LRRTM4: variants seen among roughly 807,000 people sequenced by gnomAD.
The protein encoded by LRRTM4 is leucine-rich repeat transmembrane neuronal protein 4.
LRRTM4 carries 25 observed loss-of-function variants against 47.6 expected under a neutral mutation model. The ratio of observed to expected loss-of-function variants is 0.53; its 90% CI spans 0.38 to 0.73. The LOEUF is 0.73. Among genes scored for constraint, LRRTM4 ranks in the 30% least tolerant of loss-of-function variants. LRRTM4 has a pLI of 0.00. For missense variants in LRRTM4, 638 were observed against 713.4 expected (o/e 0.89, Z 1.20); for synonymous variants, 311 against 269.5 (o/e 1.15, Z -1.51).
intron 3 of LRRTM4, among the ~76,000 whole-genome samples, chr2:76,937,512 T>G (rs1674996286): frequency 6.6e-6 from 1 of 152,202 alleles, no homozygotes; most frequent in African/African-American, 2.4e-5. Flanking sequence ...TTTGCTATTT[T>G]AATGTAGGCA....
Position 77,430,721 on chromosome 2 carries a change from C to CAAA in LRRTM4, c.1551+87594_1551+87596dup, listed in dbSNP as rs59430158. ...GGGCAACAAGAGTGAAACTCTGTCTCAAAAAAAAAAAAAGAAAAAAGAAAA... is the reference window on the plus strand; with the variant it reads ...GGGCAACAAGAGTGAAACTCTGTCTCAAAAAAAAAAAAAAAAGAAAAAAGAAAA... On this transcript the variant is annotated intron_variant, in intron 3 of 3. Transcript: ENST00000409884. 8.4e-4 allele frequency among the ~76,000 whole-genome samples: 103 copies of CAAA among 122,292 alleles called. 2 individuals carry two copies. The highest frequency in any genetic ancestry group is 5.5e-4 in the Non-Finnish European group (33 of 60,432). 80.2% of individuals were successfully genotyped at this position (122,292 alleles called of 152,430 possible).
chr2:77,217,990 A>T (rs1003119802), intron 3 of LRRTM4, among the ~76,000 whole-genome samples: 1 of 151,676 alleles, frequency 6.6e-6, no homozygotes, highest in Non-Finnish European at 1.5e-5. Context: ...ATTTTTTTTT[A>T]TTTTATTTTT....
In LRRTM4 at chr2:76,993,273, G is replaced by T. The variant is rs546761337; in HGVS notation, c.1552-244357C>A. ...AACAAAAGCAAAAATTGAGAAGTAG[G>T]GACTAATTAAAGGAGCTTTTGCACA... is the stretch of plus-strand genomic sequence containing the variant. On this transcript the variant is annotated intron_variant, in intron 3 of 3. Coordinates refer to ENST00000409884, the MANE Select transcript of LRRTM4 (RefSeq NM_001134745.3). Among the ~76,000 whole-genome samples, 5 of 151,672 alleles carry T rather than the reference G, an allele frequency of 3.3e-5. No homozygotes were observed. The South Asian group carries it at 1.0e-3, about 31-fold the overall frequency.
At chr2:76,853,040 A>T (rs1314643920) in intron 3 of LRRTM4, among the ~76,000 whole-genome samples, 1 of 152,146 alleles carries the variant, frequency 6.6e-6, no homozygotes, top group African/African-American at 2.4e-5. Flanking sequence ...TAGAGAGATG[A>T]GACTGACTTT....
chr2:77,048,891 C>T (rs1679321557), intron 3 of LRRTM4, among the ~76,000 whole-genome samples: 1 of 151,326 alleles, frequency 6.6e-6, no homozygotes, highest in Non-Finnish European at 1.5e-5. Flanking sequence ...AATTTAGTAT[C>T]CTTTAACCAA....
At chr2:77,435,855 C>G (rs1451915567) in intron 3 of LRRTM4, among the ~76,000 whole-genome samples, 2 of 152,118 alleles carry the variant, frequency 1.3e-5, no homozygotes, top group Non-Finnish European at 2.9e-5. Context: ...CTTTATCCCT[C>G]CTTACATTCA....
At chr2:77,008,576 T>C (rs1386918260) in intron 3 of LRRTM4, among the ~76,000 whole-genome samples, 1 of 152,148 alleles carries the variant, frequency 6.6e-6, no homozygotes, top group East Asian at 1.9e-4. Flanking sequence ...ATTCACTAAA[T>C]GTTGTCAATG....
At chr2:77,052,280 T>C (rs1416998713) in intron 3 of LRRTM4, among the ~76,000 whole-genome samples, 1 of 149,724 alleles carries the variant, frequency 6.7e-6, no homozygotes, top group Non-Finnish European at 1.5e-5. Context: ...GCAATTCTCC[T>C]GCCTCAACCT....
chr2:77,378,190 T>C (rs770083547), intron 3 of LRRTM4, among the ~76,000 whole-genome samples: 34 of 152,038 alleles, frequency 2.2e-4, no homozygotes, highest in Non-Finnish European at 3.5e-4. Context: ...GCCATATATT[T>C]ATCTGTTGTA....
At chr2:77,081,534 ATATC>A (rs1393182962) in intron 3 of LRRTM4, among the ~76,000 whole-genome samples, 3 of 152,128 alleles carry the variant, frequency 2.0e-5, no homozygotes, top group Admixed American at 6.5e-5. Context: ...AGAGGTAAAC[ATATC>A]TATCTGCCAC....
intron 3 of LRRTM4, among the ~76,000 whole-genome samples, chr2:77,018,021 G>C (rs116149514): frequency 6.6e-6 from 1 of 151,524 alleles, no homozygotes. Flanking sequence ...CCATCTATGC[G>C]CATGTTTAGA....
At chr2:77,490,614 TC>T (rs1678112797) in intron 3 of LRRTM4, among the ~76,000 whole-genome samples, 2 of 140,484 alleles carry the variant, frequency 1.4e-5, no homozygotes, top group Admixed American at 7.1e-5. Context: ...CCATAAAGTA[TC>T]AAAAATAATA....
At chr2:77,160,615 T>A (rs1416895653) in intron 3 of LRRTM4, among the ~76,000 whole-genome samples, 1 of 152,184 alleles carries the variant, frequency 6.6e-6, no homozygotes, top group Non-Finnish European at 1.5e-5. Context: ...CCAAGGCTTT[T>A]TATTGTACAA....
At position 77,200,799 on chromosome 2, in the gene LRRTM4, G is replaced by A. The variant is rs1291529233; in HGVS notation, c.1551+317519C>T. On this transcript the variant is annotated intron_variant, in intron 3 of 3. Transcript: ENST00000409884. ...AAAAACTGACATAATTTAATATGAT[G>A]ACTGTTCTCCTTTACCTCATTAAAC... 2.6e-5 allele frequency among the ~76,000 whole-genome samples: 4 copies of A among 152,164 alleles called. No homozygotes were observed. The East Asian group carries it at 7.7e-4, about 29-fold the overall frequency.
intron 3 of LRRTM4, among the ~76,000 whole-genome samples, chr2:76,928,075 T>C (rs1412173783): frequency 6.6e-6 from 1 of 152,186 alleles, no homozygotes; most frequent in African/African-American, 2.4e-5. Context: ...CCAATTTTTA[T>C]ATGGCTTTAC....
intron 3 of LRRTM4, among the ~76,000 whole-genome samples, chr2:76,900,353 A>G (rs1262094906): frequency 3.3e-5 from 5 of 150,646 alleles, no homozygotes; most frequent in African/African-American, 1.2e-4. Flanking sequence ...ATTTATTTAA[A>G]TAGTTTGCAA....
intron 3 of LRRTM4, among the ~76,000 whole-genome samples, chr2:76,794,775 A>ACAAACT (rs1675177625): frequency 6.6e-6 from 1 of 152,120 alleles, no homozygotes; most frequent in Non-Finnish European, 1.5e-5. Flanking sequence ...TAGCACCATC[A>ACAAACT]CAAACTGTAC....
At chr2:77,061,878 T>C (rs1169095856) in intron 3 of LRRTM4, among the ~76,000 whole-genome samples, 1 of 152,172 alleles carries the variant, frequency 6.6e-6, no homozygotes, top group East Asian at 1.9e-4. Flanking sequence ...TGAACCCAAG[T>C]TGACTTTCAA....
chr2:77,008,308 C>T (rs1388994991), intron 3 of LRRTM4, among the ~76,000 whole-genome samples: 1 of 152,090 alleles, frequency 6.6e-6, no homozygotes, highest in South Asian at 2.1e-4. Flanking sequence ...AACCTCTAAC[C>T]TTTATTTCTC....
Sources: gnomAD v4.1 joint callset for allele counts (sites outside exome capture counted in the v4.1 genomes callset) on GRCh38, gnomAD v4.1.1 for gene constraint, MANE v1.5 for transcripts, NCBI Gene and HGNC (gene_info 2026-07-23, HGNC 2026-07-21) for gene names.